Variants in DPYSL5 observed in about 807,000 individuals in gnomAD.
DPYSL5 encodes the protein dihydropyrimidinase like 5.
Under a neutral mutation model 58.4 loss-of-function variants are expected in DPYSL5, and 9 were observed. The ratio of observed to expected loss-of-function variants is 0.15; its 90% CI spans 0.09 to 0.27. DPYSL5 has a LOEUF of 0.27. Ranked by LOEUF, DPYSL5 falls within the 10% of genes least tolerant of loss-of-function variation. The pLI, the probability that DPYSL5 is intolerant of heterozygous loss-of-function variation, is 1.00. For missense variants in DPYSL5, 499 were observed against 770.6 expected (o/e 0.65, Z 4.17); for synonymous variants, 293 against 301.9 (o/e 0.97, Z 0.31).
At position 26,942,027 on chromosome 2, in the gene DPYSL5, C is replaced by T; in HGVS notation, c.1167C>T (p.Pro389=). 6.2e-7 allele frequency: 1 copy of T among 1,614,206 alleles called. No homozygotes were observed. The highest frequency in any genetic ancestry group is 1.7e-5 in the Admixed American group (1 of 60,024). ...CAGCTAAGCTTCTGAACCTGTATCC[C>T]CGCAAGGGCCGCATTATTCCCGGAG... The part of the protein sequence containing the change: ...SNAAKLLNLY[P]RKGRIIPGAD... The change falls in exon 10 of 13, where the codon CCC becomes CCT. Residue 389 remains proline (P), a synonymous_variant. Coordinates refer to ENST00000288699, the MANE Select transcript of DPYSL5 (RefSeq NM_020134.4). This position sits in a 1 kb window ranked among gnomAD's most constrained non-coding sequence, Gnocchi z 5.9.
Position 26,944,762 on chromosome 2 carries a change from C to G in DPYSL5, c.1547C>G (p.Thr516Ser). Residue 516 changes from threonine (T) to serine (S), a missense_variant, in exon 12 of 13, where the codon ACC becomes AGC. Physicochemically the swap from Thr to Ser is moderately conservative, Grantham distance 58. This residue lies in a region of DPYSL5 where 62 missense variants were observed against 59.2 expected (regional missense o/e 1.05). Transcript: ENST00000288699. The surrounding 1 kb of genome is among the most constrained non-coding windows in gnomAD (Gnocchi z 4.4). The stretch of plus-strand genomic sequence containing the variant: ...GGAACCCCACTCGCAGACACTCCTA[C>G]CCGGCCCGTCACCCGGCATGGGGGC... ...EMGTPLADTP[T>S]RPVTRHGGMR... is the part of the protein sequence containing the mutation. The G allele has an allele frequency of 6.2e-7, 1 of 1,614,172 alleles. No homozygotes were observed. Among genetic ancestry groups the G allele is most frequent in the African/African-American group, 1.3e-5 (1 of 75,050 alleles).
At chr2:26,943,764 A>G (rs1665387117) in intron 11 of DPYSL5, among the ~76,000 whole-genome samples, 1 of 152,232 alleles carries the variant, frequency 6.6e-6, no homozygotes, top group African/African-American at 2.4e-5. Flanking sequence ...CACAGTTTAC[A>G]AGTGACAGAG....
chr2:26,903,592 G>GTA (rs769447082), intron 2 of DPYSL5, among the ~76,000 whole-genome samples: 2 of 152,154 alleles, frequency 1.3e-5, no homozygotes, highest in Non-Finnish European at 2.9e-5. Context: ...GGCACAGGCT[G>GTA]TACTCCTGTT....
chr2:26,940,850 A>AT (rs1164608514), intron 9 of DPYSL5, among the ~76,000 whole-genome samples: 1 of 151,248 alleles, frequency 6.6e-6, no homozygotes, highest in African/African-American at 2.4e-5. Flanking sequence ...GCTGTTTCTA[A>AT]TTTTTGCACT....
intron 4 of DPYSL5, among the ~76,000 whole-genome samples, chr2:26,928,006 C>G (rs765733800): frequency 1.2e-4 from 19 of 152,142 alleles, no homozygotes; most frequent in Non-Finnish European, 2.1e-4. Flanking sequence ...AGTTATAATA[C>G]TTAACTGTAT....
chr2:26,906,695 T>A (rs1402125981), intron 2 of DPYSL5, among the ~76,000 whole-genome samples: 2 of 152,234 alleles, frequency 1.3e-5, no homozygotes, highest in Non-Finnish European at 2.9e-5. Context: ...AACATGGCTA[T>A]CCTATAGACA....
intron 1 of DPYSL5, among the ~76,000 whole-genome samples, chr2:26,893,893 A>G (rs1663950381): frequency 6.6e-6 from 1 of 152,118 alleles, no homozygotes; most frequent in Non-Finnish European, 1.5e-5. Context: ...GACACACTGC[A>G]ATGGCGTAAT....
chr2:26,935,846 A>T (rs1665160601), intron 8 of DPYSL5, among the ~76,000 whole-genome samples: 1 of 152,034 alleles, frequency 6.6e-6, no homozygotes, highest in Admixed American at 6.6e-5. Flanking sequence ...AGGCGAGGGG[A>T]TTCTTCTCCA....
chr2:26,856,956 C>CATATATAATATATGTAATAAA (rs1558319139), intron 1 of DPYSL5, among the ~76,000 whole-genome samples: 6 of 143,632 alleles, frequency 4.2e-5, no homozygotes, highest in African/African-American at 1.7e-4. Flanking sequence ...ATATATTATA[C>CATATATAATATATGTAATAAA]TAGTTTTCAA....
chr2:26,865,010 C>T (rs933496497), intron 1 of DPYSL5, among the ~76,000 whole-genome samples: 3 of 152,158 alleles, frequency 2.0e-5, no homozygotes, highest in Non-Finnish European at 4.4e-5. Flanking sequence ...AGCCTCCAGA[C>T]CACCCTCAGC....
At chr2:26,941,167 T>C (rs991008482) in intron 9 of DPYSL5, among the ~76,000 whole-genome samples, 3 of 152,090 alleles carry the variant, frequency 2.0e-5, no homozygotes, top group Non-Finnish European at 4.4e-5. Context: ...CTCGATCTCT[T>C]GACCTCGTGA....
chr2:26,939,998 C>T (rs1320098307), intron 8 of DPYSL5, 33 bp from the exon 9 acceptor site: 2 of 1,613,518 alleles, frequency 1.2e-6, no homozygotes, highest in Admixed American at 1.7e-5. Context: ...CACCTCCCCT[C>T]CCCTTACTGG....
intron 1 of DPYSL5, among the ~76,000 whole-genome samples, chr2:26,897,680 A>T (rs1293777210): frequency 6.6e-6 from 1 of 152,176 alleles, no homozygotes; most frequent in East Asian, 1.9e-4. Flanking sequence ...CATAAAATGA[A>T]TTGGGAAGGG....
rs1491003662 is a variant in DPYSL5, at chr2:26,946,984, G to A, written c.1684G>A (p.Gly562Ser). The A allele has an allele frequency of 6.2e-7, 1 of 1,613,214 alleles. No homozygotes were observed. Among genetic ancestry groups the A allele is most frequent in the Non-Finnish European group, 8.5e-7 (1 of 1,179,428 alleles). Reference protein sequence around the residue: ...ILAPPGGRSSGIW With the variant: ...ILAPPGGRSSSIW ...CGCTCCTCCCGGAGGCAGGTCGAGT[G>A]GCATTTGGTAAAGGCATTGCCAAGC... Residue 562 changes from glycine (G) to serine (S), a missense_variant, in exon 13 of 13, where the codon GGC (glycine) becomes AGC (serine). Around this residue, in one of 3 missense-constraint regions of DPYSL5, gnomAD observed 33 missense variants for 63.8 expected, o/e 0.52. Transcript: ENST00000288699.
In DPYSL5 at chr2:26,862,756, G is replaced by A. The variant is rs116407836; in HGVS notation, c.-5+14502G>A. ...CATCCAGCCTCTGTGTGGAGGTCCA[G>A]CAGAGTGGGGCAGCTGTATTGACTA... On this transcript the variant is annotated intron_variant, in intron 1 of 12. Coordinates refer to ENST00000288699, the MANE Select transcript of DPYSL5 (RefSeq NM_020134.4). Among the ~76,000 whole-genome samples the A allele has an allele frequency of 5.9e-3, 894 of 152,302 alleles. 8 individuals carry two copies. The highest frequency in any genetic ancestry group is 0.02 in the African/African-American group (845 of 41,564).
At chr2:26,857,029 G>A (rs892841554) in intron 1 of DPYSL5, among the ~76,000 whole-genome samples, 2 of 151,120 alleles carry the variant, frequency 1.3e-5, no homozygotes, top group South Asian at 2.1e-4. Flanking sequence ...AGCGGTGTAC[G>A]TCTACCTTAG....
Position 26,934,363 on chromosome 2 carries a change from G to A in DPYSL5, c.791-215G>A, listed in dbSNP as rs936917180. Reference sequence around the variant, plus strand: ...TGCCGCTTGGTCCTGCTGGGCCTCGGTGCCCATGTCCCTCTGTCCTCCTTG... The same window carrying A: ...TGCCGCTTGGTCCTGCTGGGCCTCGATGCCCATGTCCCTCTGTCCTCCTTG... On this transcript the variant is annotated intron_variant, in intron 7 of 12. Coordinates refer to ENST00000288699, the MANE Select transcript of DPYSL5 (RefSeq NM_020134.4). The surrounding 1 kb of genome is among the most constrained non-coding windows in gnomAD (Gnocchi z 4.3). 6.6e-6 allele frequency among the ~76,000 whole-genome samples: 1 copy of A among 152,144 alleles called. No individual in the cohort carries two copies. Among genetic ancestry groups the A allele is most frequent in the Non-Finnish European group, 1.5e-5 (1 of 68,022 alleles).
chr2:26,877,998 C>T lies in DPYSL5; in HGVS notation c.-4-20498C>T, dbSNP rs906506477. 4.6e-5 allele frequency among the ~76,000 whole-genome samples: 7 copies of T among 152,212 alleles called. No individual in the cohort carries two copies. The highest frequency in any genetic ancestry group is 9.6e-5 in the African/African-American group (4 of 41,452). The stretch of plus-strand genomic sequence containing the variant: ...AAACAACAGTGTTACCAAACACCCT[C>T]GTACTACATCTTTGTACAACTGTTC... On this transcript the variant is annotated intron_variant, in intron 1 of 12. Coordinates refer to ENST00000288699, the MANE Select transcript of DPYSL5 (RefSeq NM_020134.4). The surrounding 1 kb of genome is among the most constrained non-coding windows in gnomAD (Gnocchi z 4.1).
At chr2:26,875,024 A>T (rs1456478166) in intron 1 of DPYSL5, among the ~76,000 whole-genome samples, 1 of 152,210 alleles carries the variant, frequency 6.6e-6, no homozygotes, top group African/African-American at 2.4e-5. Context: ...TAGAGTTTTC[A>T]TTGTACAAGT....
Sources: allele counts gnomAD v4.1 joint callset (sites outside exome capture counted in the v4.1 genomes callset), GRCh38; gene constraint gnomAD v4.1.1; regional missense constraint gnomAD v4.1.1; non-coding constraint Gnocchi (gnomAD v3.1); transcripts MANE v1.5; gene names NCBI Gene and HGNC (gene_info 2026-07-23, HGNC 2026-07-21).